Variants in AKAP6 observed in about 807,000 individuals in gnomAD.
The protein encoded by AKAP6 is A-kinase anchoring protein 6.
Under a neutral mutation model 188.5 loss-of-function variants are expected in AKAP6, and 58 were observed. That is an observed-to-expected ratio of 0.31 (90% CI 0.25 to 0.38). AKAP6 has a LOEUF of 0.38. AKAP6 is among the 10% of genes least tolerant of loss of function. The pLI, the probability that AKAP6 is intolerant of heterozygous loss-of-function variation, is 1.00. For missense variants in AKAP6, 2,710 were observed against 2,740.0 expected (o/e 0.99, Z 0.24); for synonymous variants, 989 against 998.6 (o/e 0.99, Z 0.18).
At chr14:32,429,302 C>T (rs1188131371) in intron 1 of AKAP6, among the ~76,000 whole-genome samples, 13 of 152,186 alleles carry the variant, frequency 8.5e-5, no homozygotes, top group Admixed American at 7.9e-4. Context: ...TAGACTCATG[C>T]TCAATTTCCT....
intron 11 of AKAP6, among the ~76,000 whole-genome samples, chr14:32,764,325 C>A (rs2032636521): frequency 6.6e-6 from 1 of 152,186 alleles, no homozygotes; most frequent in South Asian, 2.1e-4. Flanking sequence ...CCACCCTGAG[C>A]TTAAATTCTG....
At chr14:32,357,802 G>A (rs1450944332) in intron 1 of AKAP6, among the ~76,000 whole-genome samples, 1 of 152,202 alleles carries the variant, frequency 6.6e-6, no homozygotes, top group Non-Finnish European at 1.5e-5. Context: ...CAAATCTGTG[G>A]TATCTGTGAT....
rs145709227 is a variant in AKAP6 at position 32,467,589 on chromosome 14, A to G, written c.324+33772A>G. Among the ~76,000 whole-genome samples, 78 of 152,208 alleles carry G rather than the reference A, an allele frequency of 5.1e-4. No homozygotes were observed. In the East Asian group the frequency reaches 0.014, roughly 27 times the overall value. On this transcript the variant is annotated intron_variant, in intron 2 of 13. Coordinates refer to ENST00000280979, the MANE Select transcript of AKAP6 (RefSeq NM_004274.5). ...CCCCAGGACATGGAACTAAATTGTC[A>G]GAATCAGGAATCCAGTCTGGATCCT...
intron 7 of AKAP6, among the ~76,000 whole-genome samples, chr14:32,667,776 A>G (rs1213400983): frequency 1.3e-5 from 2 of 152,142 alleles, no homozygotes; most frequent in Non-Finnish European, 2.9e-5. Flanking sequence ...TTTGATAAAT[A>G]AATTGTTATT....
intron 7 of AKAP6, among the ~76,000 whole-genome samples, chr14:32,644,750 G>A (rs1887915909): frequency 6.6e-6 from 1 of 151,914 alleles, no homozygotes; most frequent in Admixed American, 6.6e-5. Flanking sequence ...AAACTGAAAT[G>A]TCTGCATTTC....
chr14:32,666,814 A>G (rs1384460394), intron 7 of AKAP6, among the ~76,000 whole-genome samples: 1 of 151,980 alleles, frequency 6.6e-6, no homozygotes, highest in Non-Finnish European at 1.5e-5. Flanking sequence ...ATCACTATGG[A>G]ATTATTTTGT....
intron 7 of AKAP6, among the ~76,000 whole-genome samples, chr14:32,627,084 T>G (rs1887055386): frequency 1.3e-5 from 2 of 152,150 alleles, no homozygotes; most frequent in Non-Finnish European, 2.9e-5. Flanking sequence ...ATTATATATT[T>G]CCTCAGAGCA....
Position 32,505,159 on chromosome 14 carries a change from A to T in AKAP6, c.325-30395A>T, listed in dbSNP as rs562378193. On this transcript the variant is annotated intron_variant, in intron 2 of 13. Coordinates refer to ENST00000280979, the MANE Select transcript of AKAP6 (RefSeq NM_004274.5). ...ATAGGCACAGCAAACTTCAAATAAC[A>T]TAATCATAACTCTTAGAGCCCACTA... 2.5e-4 allele frequency among the ~76,000 whole-genome samples: 38 copies of T among 152,278 alleles called. No individual in the cohort carries two copies. The East Asian group carries it at 6.9e-3, about 28-fold the overall frequency.
At chr14:32,716,831 C>T (rs2030236155) in intron 9 of AKAP6, among the ~76,000 whole-genome samples, 2 of 151,836 alleles carry the variant, frequency 1.3e-5, no homozygotes, top group Non-Finnish European at 2.9e-5. Context: ...GGGAAATTTG[C>T]AGTCTTGCTT....
rs557987192 is a variant in AKAP6, at chr14:32,407,008, C to G, written c.-34-26452C>G. 5.2e-4 allele frequency among the ~76,000 whole-genome samples: 79 copies of G among 152,264 alleles called. 1 individual carries two copies. Among genetic ancestry groups the G allele is most frequent in the South Asian group, 1.0e-3 (5 of 4,826 alleles). ...TGCTTCCTAGAGCTTGTGGCAAGTG[C>G]CATTCTGGATCATTTTATACCATAC... On this transcript the variant is annotated intron_variant, in intron 1 of 13. Transcript: ENST00000280979.
chr14:32,526,919 GT>G (rs1204851926), intron 2 of AKAP6, among the ~76,000 whole-genome samples: 1 of 152,150 alleles, frequency 6.6e-6, no homozygotes, highest in Non-Finnish European at 1.5e-5. Context: ...TCCCACTAGG[GT>G]GGTACATTTG....
chr14:32,660,915 T>A (rs1888661923), intron 7 of AKAP6, among the ~76,000 whole-genome samples: 1 of 114,048 alleles, frequency 8.8e-6, no homozygotes, highest in Non-Finnish European at 1.7e-5. Context: ...ATATATTTTC[T>A]TCCCCGCCAC....
At chr14:32,469,059 G>A (rs1226641921) in intron 2 of AKAP6, among the ~76,000 whole-genome samples, 2 of 152,192 alleles carry the variant, frequency 1.3e-5, no homozygotes, top group Non-Finnish European at 2.9e-5. Context: ...CTGATCCCTC[G>A]TCTGTTTTGT....
In AKAP6 at chr14:32,546,860, A is replaced by G. The variant is rs763550165; in HGVS notation, c.2207A>G (p.Tyr736Cys). The G allele has an allele frequency of 2.2e-5, 35 of 1,614,026 alleles. No individual in the cohort carries two copies. The highest frequency in any genetic ancestry group is 5.0e-5 in the Admixed American group (3 of 60,002). Reference sequence around the variant, plus strand: ...ATGCCTCTCGCTGGCATGAAAAAGTATGCTGATGAGAAGTCAGAAAGAGCT... The same window carrying G: ...ATGCCTCTCGCTGGCATGAAAAAGTGTGCTGATGAGAAGTCAGAAAGAGCT... ...SSMPLAGMKK[Y>C]ADEKSERASS... Residue 736 changes from tyrosine (Y) to cysteine (C), a missense_variant, in exon 4 of 14, where the codon TAT becomes TGT. This residue lies in a region of AKAP6 where 2,473 missense variants were observed against 2,426.1 expected (regional missense o/e 1.02). Coordinates refer to ENST00000280979, the MANE Select transcript of AKAP6 (RefSeq NM_004274.5).
At chr14:32,748,785 G>A (rs1034617066) in intron 11 of AKAP6, among the ~76,000 whole-genome samples, 5 of 152,124 alleles carry the variant, frequency 3.3e-5, no homozygotes, top group African/African-American at 1.2e-4. Flanking sequence ...TTAAGGGTGG[G>A]TCTTCACTTT....
At chr14:32,700,263 G>A (rs1330860550) in intron 9 of AKAP6, among the ~76,000 whole-genome samples, 7 of 152,282 alleles carry the variant, frequency 4.6e-5, no homozygotes, top group East Asian at 1.9e-4. Flanking sequence ...CTGCCAGTTC[G>A]CTGCTACCTA....
chr14:32,706,920 T>C lies in AKAP6; in HGVS notation c.3000+10810T>C, dbSNP rs140761434. Among the ~76,000 whole-genome samples, 227 of 152,208 alleles carry C rather than the reference T, an allele frequency of 1.5e-3. 1 individual carries two copies. Among genetic ancestry groups the C allele is most frequent in the African/African-American group, 5.1e-3 (211 of 41,548 alleles). On this transcript the variant is annotated intron_variant, in intron 9 of 13. Transcript: ENST00000280979. ...TAAAGTTTCTCAAACCACAGAGCTCTAGCCTTTCTCCAGAAGGATAGCTAT... is the reference window on the plus strand; with the variant it reads ...TAAAGTTTCTCAAACCACAGAGCTCCAGCCTTTCTCCAGAAGGATAGCTAT...
intron 1 of AKAP6, among the ~76,000 whole-genome samples, chr14:32,335,813 A>AT (rs59224838): frequency 8.6e-4 from 47 of 54,534 alleles, no homozygotes; most frequent in South Asian, 3.9e-3. Context: ...CTGTCTGGGT[A>AT]TTTTTTTTTT....
At chr14:32,800,131 CATAT>C (rs768823220) in intron 12 of AKAP6, among the ~76,000 whole-genome samples, 2 of 142,446 alleles carry the variant, frequency 1.4e-5, no homozygotes, top group African/African-American at 5.2e-5. Flanking sequence ...TATATACACA[CATAT>C]ATATACACAC....
Sources: gnomAD v4.1 joint callset for allele counts (sites outside exome capture counted in the v4.1 genomes callset) on GRCh38, gnomAD v4.1.1 for gene constraint, gnomAD v4.1.1 regional missense constraint, MANE v1.5 for transcripts, NCBI Gene and HGNC (gene_info 2026-07-23, HGNC 2026-07-21) for gene names.